The following ITGB5 variants were observed in gnomAD, a reference collection of about 807,000 sequenced individuals.
ITGB5 encodes integrin beta-5.
In ITGB5, 38 loss-of-function variants were observed where a neutral mutation model predicts 84.8. The ratio of observed to expected loss-of-function variants is 0.45; its 90% CI spans 0.35 to 0.59. The LOEUF (loss-of-function observed/expected upper bound fraction) is 0.59. Ranked by LOEUF, ITGB5 falls within the 20% of genes least tolerant of loss-of-function variation. ITGB5 has a pLI of 0.01. For missense variants in ITGB5, 905 were observed against 1,034.5 expected (o/e 0.87, Z 1.72); for synonymous variants, 393 against 414.4 (o/e 0.95, Z 0.63).
Position 124,769,047 on chromosome 3 carries a change from G to A in ITGB5, c.1983C>T (p.Cys661=), listed in dbSNP as rs201411024. 1 of 1,613,890 alleles carries A rather than the reference G, an allele frequency of 6.2e-7. No homozygotes were observed. The highest frequency in any genetic ancestry group is 1.7e-5 in the Admixed American group (1 of 60,022). ...CCACCCATGTGATCACCTCATCCCT[G>A]CATAGGCTGTGGCAGGTCTGGTTGT... ...KPDNQTCHSL[C]RDEVITWVDT... The change falls in exon 12 of 15, where the codon TGC becomes TGT. Residue 661 remains cysteine, a synonymous_variant. Transcript: ENST00000296181.
At chr3:124,819,318 T>C (rs901919109) in intron 7 of ITGB5, among the ~76,000 whole-genome samples, 4 of 152,224 alleles carry the variant, frequency 2.6e-5, no homozygotes, top group African/African-American at 9.6e-5. Flanking sequence ...TGCGCCAGAC[T>C]AGCCCACTGG....
rs188538261 is a variant in ITGB5 at position 124,834,706 on chromosome 3, A to T, written c.780+6677T>A. Among the ~76,000 whole-genome samples, 189 of 152,230 alleles carry T rather than the reference A, an allele frequency of 1.2e-3. 1 individual carries two copies. The highest frequency in any genetic ancestry group is 4.3e-3 in the African/African-American group (179 of 41,528). ...GAAGGAAGGAAGGAAGCAAGCAAGC[A>T]AACCAGGAATACAGGGAAGTAGTAT... On this transcript the variant is annotated intron_variant, in intron 5 of 14. Coordinates refer to ENST00000296181, the MANE Select transcript of ITGB5 (RefSeq NM_002213.5).
At chr3:124,852,300 C>G (rs1268875896) in intron 3 of ITGB5, among the ~76,000 whole-genome samples, 1 of 152,106 alleles carries the variant, frequency 6.6e-6, no homozygotes, top group Non-Finnish European at 1.5e-5. Context: ...GTAGCTATAT[C>G]CCTTCTCTCT....
intron 10 of ITGB5, among the ~76,000 whole-genome samples, chr3:124,776,671 T>C (rs1377457976): frequency 4.6e-5 from 7 of 152,200 alleles, no homozygotes; most frequent in Admixed American, 4.6e-4. Context: ...CTCTGATGGC[T>C]TGTCCATCAC....
intron 10 of ITGB5, among the ~76,000 whole-genome samples, chr3:124,775,468 A>T (rs753586544): frequency 1.3e-5 from 2 of 152,042 alleles, no homozygotes; most frequent in Non-Finnish European, 2.9e-5. Flanking sequence ...ACTAGATAGC[A>T]CCGTCTTCCA....
At chr3:124,773,669 G>C (rs2063880354) in intron 11 of ITGB5, 21 bp downstream of exon 11, 1 of 1,607,192 alleles carries the variant, frequency 6.2e-7, no homozygotes, top group Non-Finnish European at 8.5e-7. Context: ...AGTAAGGTGG[G>C]GCTGTCAGTG....
Position 124,802,525 on chromosome 3 carries a change from C to A in ITGB5, c.1264-5708G>T, listed in dbSNP as rs576516737. 2.0e-5 allele frequency among the ~76,000 whole-genome samples: 3 copies of A among 152,364 alleles called. No individual in the cohort carries two copies. The East Asian group carries it at 5.8e-4, about 29-fold the overall frequency. Reference sequence around the variant, plus strand: ...AACGAAGAGGGAAAGCCCCTCAACTCCCCGTGCCAGGGCCGGCTCCCTGGT... The same window carrying A: ...AACGAAGAGGGAAAGCCCCTCAACTACCCGTGCCAGGGCCGGCTCCCTGGT... On this transcript the variant is annotated intron_variant, in intron 9 of 14. Transcript: ENST00000296181.
At chr3:124,772,702 G>C (rs551327945) in intron 11 of ITGB5, among the ~76,000 whole-genome samples, 1 of 152,186 alleles carries the variant, frequency 6.6e-6, no homozygotes, top group South Asian at 2.1e-4. Context: ...TGGAGCATGC[G>C]GGGCTGAGCA....
rs537987134 is a variant in ITGB5 at position 124,857,175 on chromosome 3, G to A, written c.361+2067C>T. On this transcript the variant is annotated intron_variant, in intron 3 of 14. Transcript: ENST00000296181. ...TTGGAGCTTTCTTTAAAAACTCTTG[G>A]TGCAGACCATACAATGATAACCACA... 6 of 152,190 alleles carry A rather than the reference G, an allele frequency of 3.9e-5. No individual in the cohort carries two copies. In the East Asian group the frequency reaches 1.2e-3, roughly 29 times the overall value. 9.4% of individuals were successfully genotyped at this position (152,190 alleles called of 1,614,324 possible). A position where few individuals can be genotyped will look rare whatever the true frequency, so the allele number is the denominator to read the frequency against.
At chr3:124,786,399 T>C (rs2064082365) in intron 10 of ITGB5, among the ~76,000 whole-genome samples, 1 of 150,758 alleles carries the variant, frequency 6.6e-6, no homozygotes, top group Non-Finnish European at 1.5e-5. Flanking sequence ...CAAGACCCTG[T>C]CTCTTAAAAA....
chr3:124,770,011 A>G (rs1465103266), intron 11 of ITGB5: 1 of 152,178 alleles, frequency 6.6e-6, no homozygotes, highest in Non-Finnish European at 1.5e-5. Flanking sequence ...TATACTTTAT[A>G]TCATCAAAAC....
At chr3:124,813,089 G>A (rs999717100) in intron 8 of ITGB5, among the ~76,000 whole-genome samples, 8 of 152,192 alleles carry the variant, frequency 5.3e-5, no homozygotes, top group African/African-American at 1.4e-4. Context: ...CAGAGCTGAC[G>A]AAAACCTCTC....
At chr3:124,792,786 A>C (rs973235281) in intron 10 of ITGB5, 1 of 152,166 alleles carries the variant, frequency 6.6e-6, no homozygotes, top group Non-Finnish European at 1.5e-5. Flanking sequence ...AGAGAAAGAG[A>C]TAGAGCACCA....
intron 3 of ITGB5, among the ~76,000 whole-genome samples, chr3:124,855,734 C>T (rs903887585): frequency 2.0e-5 from 3 of 152,110 alleles, no homozygotes; most frequent in African/African-American, 4.8e-5. Flanking sequence ...CGACACCTTC[C>T]GCAAGACAGA....
intron 5 of ITGB5, among the ~76,000 whole-genome samples, chr3:124,837,055 T>A (rs1187688809): frequency 6.6e-6 from 1 of 152,164 alleles, no homozygotes; most frequent in Non-Finnish European, 1.5e-5. Flanking sequence ...AAGCAGCACA[T>A]AGAATACTGT....
At chr3:124,804,606 G>T (rs1027886336) in intron 9 of ITGB5, among the ~76,000 whole-genome samples, 3 of 152,152 alleles carry the variant, frequency 2.0e-5, no homozygotes, top group Non-Finnish European at 4.4e-5. Flanking sequence ...CAGGTGTGAG[G>T]TTTCAAAATA....
At chr3:124,866,533 CTG>C (rs2065392824) in intron 2 of ITGB5, among the ~76,000 whole-genome samples, 1 of 152,200 alleles carries the variant, frequency 6.6e-6, no homozygotes, top group African/African-American at 2.4e-5. Context: ...AGTTGAGAAA[CTG>C]TAGGCCCTTG....
intron 5 of ITGB5, among the ~76,000 whole-genome samples, chr3:124,840,650 T>C (rs2064997796): frequency 7.1e-6 from 1 of 141,458 alleles, no homozygotes; most frequent in Non-Finnish European, 1.5e-5. Context: ...TGCCACACAA[T>C]TCTTTTTCTT....
At chr3:124,793,469 G>A (rs912701555) in intron 10 of ITGB5, among the ~76,000 whole-genome samples, 1 of 152,228 alleles carries the variant, frequency 6.6e-6, no homozygotes, top group African/African-American at 2.4e-5. Context: ...CAAAGCCTGG[G>A]GACTGTCTGG....
Sources: allele counts gnomAD v4.1 joint callset (sites outside exome capture counted in the v4.1 genomes callset), GRCh38; gene constraint gnomAD v4.1.1; transcripts MANE v1.5; gene names NCBI Gene and HGNC (gene_info 2026-07-23, HGNC 2026-07-21).